ARHGAP6: variants seen among roughly 807,000 people sequenced by gnomAD.
ARHGAP6 encodes rho GTPase-activating protein 6.
A neutral mutation model predicts 55.7 loss-of-function variants in ARHGAP6; 16 were observed. That is an observed-to-expected ratio of 0.29 (90% CI 0.19 to 0.44). The LOEUF (loss-of-function observed/expected upper bound fraction) is 0.44. Among genes scored for constraint, ARHGAP6 ranks in the 20% least tolerant of loss-of-function variants. ARHGAP6 has a pLI of 1.00. For synonymous variants in ARHGAP6, 382 were observed against 360.9 expected (o/e 1.06, Z -0.66); for missense variants, 698 against 808.9 (o/e 0.86, Z 1.66).
At chrX:11,400,325 G>A (rs1000818161) in intron 1 of ARHGAP6, among the ~76,000 whole-genome samples, 3 of 110,902 alleles carry the variant, frequency 2.7e-5, no homozygotes, top group African/African-American at 9.9e-5. Context: ...GAGGCTTCCA[G>A]GGGGAGGGGA....
intron 1 of ARHGAP6, among the ~76,000 whole-genome samples, chrX:11,641,011 G>T (rs2052469188): frequency 1.8e-5 from 2 of 111,179 alleles, no homozygotes; most frequent in African/African-American, 6.5e-5. Context: ...AGGGGCATGG[G>T]TGTTTAACAA....
chrX:11,662,581 C>T (rs2052713735), intron 1 of ARHGAP6, among the ~76,000 whole-genome samples: 1 of 112,335 alleles, frequency 8.9e-6, no homozygotes, highest in East Asian at 2.8e-4. Flanking sequence ...CAGTTCAGAT[C>T]CTTGTCCATT....
intron 1 of ARHGAP6, among the ~76,000 whole-genome samples, chrX:11,578,507 T>G (rs2051628329): frequency 8.9e-6 from 1 of 111,825 alleles, no homozygotes; most frequent in African/African-American, 3.2e-5. Context: ...TTAGAATGGC[T>G]ATCATTAAAA....
chrX:11,418,935 C>G (rs886623005), intron 1 of ARHGAP6, among the ~76,000 whole-genome samples: 1 of 111,908 alleles, frequency 8.9e-6, no homozygotes, highest in Admixed American at 9.5e-5. Flanking sequence ...CAACACCGAC[C>G]CCCCCTCCCG....
At chrX:11,606,614 A>G (rs1468596516) in intron 1 of ARHGAP6, among the ~76,000 whole-genome samples, 8 of 111,564 alleles carry the variant, frequency 7.2e-5, no homozygotes, top group Non-Finnish European at 1.5e-4. Flanking sequence ...TCCCTTAGAC[A>G]CAGTCCAGGG....
At chrX:11,295,522 C>T (rs1332864436) in intron 1 of ARHGAP6, among the ~76,000 whole-genome samples, 1 of 111,452 alleles carries the variant, frequency 9.0e-6, no homozygotes, top group South Asian at 3.8e-4. Context: ...GGGCAGAGAA[C>T]TTAGATCACA....
intron 1 of ARHGAP6, among the ~76,000 whole-genome samples, chrX:11,330,110 T>A (rs1208516389): frequency 8.8e-6 from 1 of 113,143 alleles, no homozygotes; most frequent in Non-Finnish European, 1.9e-5. Flanking sequence ...TCCCAGCTAC[T>A]GTTATAAGCA....
rs1026648239 is a variant in ARHGAP6, at chrX:11,404,672, T to G, written c.589-149965A>C. Among the ~76,000 whole-genome samples, 4 of 111,554 alleles carry G rather than the reference T, an allele frequency of 3.6e-5. No homozygotes were observed. In the Admixed American group the frequency reaches 3.8e-4, roughly 11 times the overall value. ...CAAAGAAAATGTGGCCAAAGGATAC[T>G]GCTTTGGGTAACCTCAGGAAGGAAG... On this transcript the variant is annotated intron_variant, in intron 1 of 12. Transcript: ENST00000337414.
intron 1 of ARHGAP6, among the ~76,000 whole-genome samples, chrX:11,576,295 T>G (rs1377603793): frequency 8.9e-6 from 1 of 112,261 alleles, no homozygotes; most frequent in Non-Finnish European, 1.9e-5. Flanking sequence ...GACTATATTA[T>G]TTTATACACC....
chrX:11,662,827 G>A (rs775192809), intron 1 of ARHGAP6, among the ~76,000 whole-genome samples: 1 of 112,275 alleles, frequency 8.9e-6, no homozygotes, highest in Admixed American at 9.4e-5. Flanking sequence ...CTCTCAACTT[G>A]TACAGATTAA....
intron 1 of ARHGAP6, among the ~76,000 whole-genome samples, chrX:11,570,706 G>C (rs1487601024): frequency 1.8e-5 from 2 of 111,489 alleles, no homozygotes; most frequent in African/African-American, 6.5e-5. Context: ...TGGCATTTCA[G>C]AAAGATTCAG....
chrX:11,177,512 GAC>G (rs2046248176), intron 8 of ARHGAP6, among the ~76,000 whole-genome samples: 1 of 111,087 alleles, frequency 9.0e-6, no homozygotes, highest in Admixed American at 9.6e-5. Flanking sequence ...CAGCAGATCA[GAC>G]CCAGTTTCCT....
Position 11,300,650 on chromosome X carries a change from G to A in ARHGAP6, c.589-45943C>T, listed in dbSNP as rs200715488. On this transcript the variant is annotated intron_variant, in intron 1 of 12. Transcript: ENST00000337414. ...TGAGAGGGGAATGAATACTTCAGAT[G>A]CTTTCAGGAGTGACACAAGAACACA... The A allele has an allele frequency of 1.5e-3, 1,712 of 1,159,879 alleles. 2 individuals are homozygous for A. Among genetic ancestry groups the A allele is most frequent in the Non-Finnish European group, 1.8e-3 (1,574 of 854,003 alleles).
chrX:11,219,186 T>C (rs1257852760), intron 2 of ARHGAP6, among the ~76,000 whole-genome samples: 1 of 101,645 alleles, frequency 9.8e-6, no homozygotes, highest in Non-Finnish European at 2.0e-5. Context: ...TGATTTCCAA[T>C]TTCATCCATG....
chrX:11,169,784 T>C, intron 8 of ARHGAP6, 100 bp from the exon 9 acceptor site: 1 of 668,852 alleles, frequency 1.5e-6, no homozygotes, highest in Non-Finnish European at 2.1e-6. Context: ...TTTTTTTTTT[T>C]TAATCCTGCA....
intron 1 of ARHGAP6, among the ~76,000 whole-genome samples, chrX:11,584,555 A>T (rs746265646): frequency 8.9e-6 from 1 of 111,916 alleles, no homozygotes; most frequent in Admixed American, 9.5e-5. Context: ...AGAAGGCCCC[A>T]GTGATATCTT....
intron 1 of ARHGAP6, among the ~76,000 whole-genome samples, chrX:11,616,572 C>T (rs954942026): frequency 1.8e-5 from 2 of 111,552 alleles, no homozygotes; most frequent in Non-Finnish European, 3.8e-5. Context: ...AAGTGATCTG[C>T]CTACCTCAGC....
At chrX:11,505,655 C>T (rs1603235176) in intron 1 of ARHGAP6, among the ~76,000 whole-genome samples, 1 of 111,679 alleles carries the variant, frequency 9.0e-6, no homozygotes, top group East Asian at 2.8e-4. Context: ...AACCTAAATG[C>T]CCATCAATGA....
intron 1 of ARHGAP6, among the ~76,000 whole-genome samples, chrX:11,403,031 G>C (rs1044925586): frequency 4.5e-5 from 5 of 112,081 alleles, no homozygotes; most frequent in African/African-American, 1.6e-4. Flanking sequence ...GTTTGCGTTG[G>C]CTGCTCAGTA....
Sources: allele counts gnomAD v4.1 joint callset (sites outside exome capture counted in the v4.1 genomes callset), GRCh38; gene constraint gnomAD v4.1.1; transcripts MANE v1.5; gene names NCBI Gene and HGNC (gene_info 2026-07-23, HGNC 2026-07-21).